The following PLEKHA7 variants were observed in gnomAD, a reference collection of about 807,000 sequenced individuals.
PLEKHA7 encodes the protein pleckstrin homology domain containing A7.
Under a neutral mutation model 170.0 loss-of-function variants are expected in PLEKHA7, and 104 were observed. That is an observed-to-expected ratio of 0.61 (90% confidence interval 0.52 to 0.72). The LOEUF is 0.72. Among genes scored for constraint, PLEKHA7 ranks in the 30% least tolerant of loss-of-function variants. The probability of loss-of-function intolerance (pLI) is 0.00; values close to 1 mark genes in which losing one functional copy is unlikely to be tolerated. For synonymous variants in PLEKHA7, 648 were observed against 660.8 expected (o/e 0.98, Z 0.30); for missense variants, 1,615 against 1,671.7 (o/e 0.97, Z 0.59).
At chr11:16,805,662 C>T (rs754734866) in intron 13 of PLEKHA7, among the ~76,000 whole-genome samples, 2 of 151,872 alleles carry the variant, frequency 1.3e-5, no homozygotes, top group Non-Finnish European at 2.9e-5. Flanking sequence ...CAGTGCCGCG[C>T]ACCTGTAGTC....
intron 3 of PLEKHA7, among the ~76,000 whole-genome samples, chr11:16,905,292 T>C (rs545963254): frequency 4.0e-4 from 61 of 152,296 alleles, no homozygotes; most frequent in Non-Finnish European, 7.9e-4. Flanking sequence ...AAAATAAATG[T>C]TATTTCCCCA....
At position 16,892,435 on chromosome 11, in the gene PLEKHA7, T is replaced by TGTGTGTGTGTG. The variant is rs1554964897; in HGVS notation, c.222-21254_222-21253insCACACACACAC. Among the ~76,000 whole-genome samples, 279 of 98,390 alleles carry TGTGTGTGTGTG rather than the reference T, an allele frequency of 2.8e-3. 1 individual carries two copies. Among genetic ancestry groups the TGTGTGTGTGTG allele is most frequent in the African/African-American group, 0.012 (251 of 21,546 alleles). The allele number at this position is 98,390 out of a possible 152,430, so 64.5% of individuals were successfully genotyped here. On this transcript the variant is annotated intron_variant, in intron 3 of 26. Coordinates refer to ENST00000531066, the MANE Select transcript of PLEKHA7 (RefSeq NM_001329630.2). The stretch of plus-strand genomic sequence containing the variant: ...GTGTGTGTGTGTGTGTGTGTGTGTG[T>TGTGTGTGTGTG]TTTGTTTTGTTTTGTTTTGTTTTGT...
chr11:16,878,267 G>A (rs1476292548), intron 3 of PLEKHA7, among the ~76,000 whole-genome samples: 2 of 151,910 alleles, frequency 1.3e-5, no homozygotes, highest in Non-Finnish European at 2.9e-5. Context: ...GCCTCCTACC[G>A]GCTCTTTCTG....
At chr11:16,968,497 G>A (rs1862511198) in intron 3 of PLEKHA7, among the ~76,000 whole-genome samples, 1 of 152,196 alleles carries the variant, frequency 6.6e-6, no homozygotes, top group African/African-American at 2.4e-5. Context: ...TCTGGATGCT[G>A]TTGTCCAACT....
intron 19 of PLEKHA7, among the ~76,000 whole-genome samples, chr11:16,793,145 G>C (rs191870132): frequency 5.9e-4 from 90 of 152,330 alleles, no homozygotes; most frequent in African/African-American, 2.2e-3. Flanking sequence ...GGGAAGGGAC[G>C]GACTTGCCTG....
At chr11:16,796,487 G>C (rs1233392963) in intron 17 of PLEKHA7, among the ~76,000 whole-genome samples, 1 of 152,182 alleles carries the variant, frequency 6.6e-6, no homozygotes, top group African/African-American at 2.4e-5. Flanking sequence ...AAGTAGATTA[G>C]TGTTTGGCAA....
intron 3 of PLEKHA7, among the ~76,000 whole-genome samples, chr11:16,971,224 T>A (rs1391591228): frequency 1.3e-5 from 2 of 152,056 alleles, no homozygotes. Context: ...AGGAGGAGAG[T>A]GACAATATAG....
chr11:16,967,476 C>A (rs1300601006), intron 3 of PLEKHA7, among the ~76,000 whole-genome samples: 1 of 152,216 alleles, frequency 6.6e-6, no homozygotes, highest in Non-Finnish European at 1.5e-5. Context: ...CATGCTGTGT[C>A]TCTGCCACAC....
intron 4 of PLEKHA7, among the ~76,000 whole-genome samples, chr11:16,861,991 C>G (rs1412961214): frequency 6.6e-6 from 1 of 152,102 alleles, no homozygotes; most frequent in Non-Finnish European, 1.5e-5. Flanking sequence ...AGGCAGACAC[C>G]TCCCTCCACA....
At chr11:16,798,413 G>A (rs899709950) in intron 17 of PLEKHA7, among the ~76,000 whole-genome samples, 1 of 152,100 alleles carries the variant, frequency 6.6e-6, no homozygotes, top group South Asian at 2.1e-4. Context: ...AGTTCTCCAG[G>A]GCGTCTGTGA....
At chr11:16,922,878 G>A (rs1035861718) in intron 3 of PLEKHA7, among the ~76,000 whole-genome samples, 1 of 152,122 alleles carries the variant, frequency 6.6e-6, no homozygotes, top group African/African-American at 2.4e-5. Context: ...GGGGAGTCAG[G>A]CCCCAGGACA....
chr11:16,874,826 C>T (rs1043054205), intron 3 of PLEKHA7, among the ~76,000 whole-genome samples: 3 of 152,300 alleles, frequency 2.0e-5, no homozygotes, highest in South Asian at 2.1e-4. Context: ...GGATCTCTGG[C>T]AGATGAGGTT....
chr11:16,819,380 G>A (rs1335260474), intron 10 of PLEKHA7, among the ~76,000 whole-genome samples: 3 of 152,204 alleles, frequency 2.0e-5, no homozygotes, highest in Non-Finnish European at 2.9e-5. Flanking sequence ...TTACAGGCAT[G>A]AGCCACCGCA....
intron 3 of PLEKHA7, among the ~76,000 whole-genome samples, chr11:16,937,350 G>A (rs1198377667): frequency 6.6e-6 from 1 of 152,160 alleles, no homozygotes; most frequent in African/African-American, 2.4e-5. Flanking sequence ...GAGGTATATA[G>A]TCTAGTAGAG....
intron 3 of PLEKHA7, among the ~76,000 whole-genome samples, chr11:16,882,845 T>A (rs1008147005): frequency 6.8e-6 from 1 of 146,248 alleles, no homozygotes; most frequent in Admixed American, 6.9e-5. Flanking sequence ...ATATTTCATA[T>A]GTATATACAC....
intron 10 of PLEKHA7, among the ~76,000 whole-genome samples, chr11:16,823,753 T>A (rs1850421103): frequency 6.6e-6 from 1 of 152,206 alleles, no homozygotes; most frequent in African/African-American, 2.4e-5. Flanking sequence ...GTTCCTTCCT[T>A]ACCCTTCCCT....
intron 3 of PLEKHA7, among the ~76,000 whole-genome samples, chr11:16,900,859 T>A (rs1446286975): frequency 2.6e-5 from 4 of 151,928 alleles, no homozygotes; most frequent in South Asian, 2.1e-4. Flanking sequence ...TATTTTTTTT[T>A]TTTTTTGAGA....
chr11:16,815,852 A>C (rs1011637149), intron 12 of PLEKHA7, among the ~76,000 whole-genome samples: 1 of 152,174 alleles, frequency 6.6e-6, no homozygotes, highest in Non-Finnish European at 1.5e-5. Flanking sequence ...TAACTAGTTA[A>C]CTAATCAAAG....
intron 3 of PLEKHA7, among the ~76,000 whole-genome samples, chr11:16,891,555 T>C (rs1282114713): frequency 1.3e-5 from 2 of 152,236 alleles, no homozygotes; most frequent in Non-Finnish European, 2.9e-5. Flanking sequence ...ATACAGAATC[T>C]GTATTAGTTT....
Sources: allele counts gnomAD v4.1 joint callset (sites outside exome capture counted in the v4.1 genomes callset), GRCh38; gene constraint gnomAD v4.1.1; transcripts MANE v1.5; gene names NCBI Gene and HGNC (gene_info 2026-07-23, HGNC 2026-07-21).